The following ILK variants were observed in gnomAD, a reference collection of about 807,000 sequenced individuals.
ILK encodes scaffold protein ILK.
In ILK, 37 loss-of-function variants were observed where a neutral mutation model predicts 57.8. The ratio of observed to expected loss-of-function variants is 0.64; its 90% confidence interval spans 0.49 to 0.84. ILK has a LOEUF of 0.84. Ranked by LOEUF, ILK falls within the 40% of genes least tolerant of loss-of-function variation. ILK has a pLI of 0.00. For missense variants in ILK, 528 were observed against 595.7 expected, an observed-to-expected ratio of 0.89 and a Z score of 1.18; for synonymous variants, 231 against 202.2, an observed-to-expected ratio of 1.14 and a Z score of -1.21.
At position 6,608,830 on chromosome 11, in the gene ILK, T is replaced by C; in HGVS notation, c.448+40T>C. The C allele has an allele frequency of 6.2e-7, 1 of 1,612,834 alleles. No individual in the cohort carries two copies. The highest frequency in any genetic ancestry group is 1.1e-5 in the South Asian group (1 of 91,062). On this transcript the variant is annotated intron_variant, in intron 5 of 12. Transcript: ENST00000299421. The surrounding 1 kb of genome is among the most constrained non-coding windows in gnomAD (Gnocchi z 4.9). ...CCCCTAGCTTGTGTCCTCTCGTCCC[T>C]TCCCACCTGTCTTCTCCCTCTGTAC...
chr11:6,608,710 G>A lies in ILK; in HGVS notation c.368G>A (p.Gly123Glu). 3 of 1,613,968 alleles carry A rather than the reference G, an allele frequency of 1.9e-6. No homozygotes were observed. Among genetic ancestry groups the A allele is most frequent in the Non-Finnish European group, 2.5e-6 (3 of 1,179,864 alleles). ...DQVAEDLVAN[G>E]ALVSICNKYG... is the part of the protein sequence containing the mutation. ...TCATTCCAGGACCTGGTGGCAAATG[G>A]GGCCCTTGTCAGCATCTGTAACAAG... The change falls in exon 5 of 13, where the codon GGG becomes GAG. Residue 123 changes from glycine (G) to glutamate (E), a missense_variant. Gly to Glu is a moderately conservative substitution (Grantham distance 98, BLOSUM62 -2). Transcript: ENST00000299421. The surrounding 1 kb of genome is among the most constrained non-coding windows in gnomAD (Gnocchi z 4.9).
rs186878335 is a variant in ILK, at chr11:6,610,324, A to G, written c.1209+46A>G. 247 of 1,613,916 alleles carry G rather than the reference A, an allele frequency of 1.5e-4. No individual in the cohort carries two copies. The African/African-American group carries it at 3.1e-3, about 20-fold the overall frequency. On this transcript the variant is annotated intron_variant, in intron 12 of 12. Transcript: ENST00000299421. ...ATTTGTGTTGCGGGAGTGGTTGGTG[A>G]TGGTGAAAATAACTGTAGTGGGCCT...
intron 2 of ILK, chr11:6,607,830 T>C (rs1855082665): frequency 3.4e-6 from 2 of 581,220 alleles, no homozygotes; most frequent in Admixed American, 6.0e-5. Context: ...AACACATTTT[T>C]TTATAGAGGT....
chr11:6,609,162 C>T lies in ILK; in HGVS notation c.618+6C>T. 1 of 1,612,726 alleles carries T rather than the reference C, an allele frequency of 6.2e-7. No homozygotes were observed. The highest frequency in any genetic ancestry group is 8.5e-7 in the Non-Finnish European group (1 of 1,178,746). On this transcript the variant is annotated splice_donor_region_variant and intron_variant, in intron 7 of 12. Transcript: ENST00000299421. ...ACGAGAATCACTCTGGAGAGGTGAC[C>T]CCTGCCCTTCTTGCCCTTCCCTCAC... is the stretch of plus-strand genomic sequence containing the variant.
rs1323106962 is a variant in ILK at position 6,610,599 on chromosome 11, G to A, written c.1347G>A (p.Met449Ile). ...FDMIVPILEK[M>I]QDK ...TGATTGTGCCTATCCTTGAGAAGAT[G>A]CAGGACAAGTAGGACTGGAAGGTCC... The change falls in exon 13 of 13, where the codon ATG (methionine) becomes ATA (isoleucine). Residue 449 changes from methionine (M) to isoleucine (I), a missense_variant. By Grantham distance (10) the Met-to-Ile change is conservative. Transcript: ENST00000299421. The A allele has an allele frequency of 4.2e-5, 68 of 1,614,110 alleles. No homozygotes were observed. Among genetic ancestry groups the A allele is most frequent in the Non-Finnish European group, 5.6e-5 (66 of 1,180,034 alleles).
rs1243705654 is a variant in ILK at position 6,610,032 on chromosome 11, G to A, written c.1075G>A (p.Glu359Lys). The A allele has an allele frequency of 6.2e-7, 1 of 1,614,030 alleles. No individual in the cohort carries two copies. The highest frequency in any genetic ancestry group is 1.3e-5 in the African/African-American group (1 of 74,918). ...GTATGCACCTGCCTGGGTAGCCCCC[G>A]AAGGTGAGTGAAGTCATCATGTCGG... Reference protein sequence around the residue: ...RMYAPAWVAPEALQKKPEDTN... With the variant: ...RMYAPAWVAPKALQKKPEDTN... The change falls in exon 11 of 13, where the codon GAA (glutamate) becomes AAA (lysine). Residue 359 changes from glutamate to lysine, a missense_variant. Glu to Lys is a moderately conservative substitution (Grantham distance 56). Coordinates refer to ENST00000299421, the MANE Select transcript of ILK (RefSeq NM_004517.4).
chr11:6,607,925 G>C, intron 2 of ILK, 121 bp from the exon 3 acceptor site: 1 of 1,033,102 alleles, frequency 9.7e-7, no homozygotes, highest in Non-Finnish European at 1.5e-6. Context: ...TGGCATGAAT[G>C]AGAATCAAAG....
rs145787931 is a variant in ILK, at chr11:6,610,330, A to C, written c.1209+52A>C. 2.2e-3 allele frequency: 3,525 copies of C among 1,613,910 alleles called. 13 individuals carry two copies. Among genetic ancestry groups the C allele is most frequent in the Admixed American group, 7.3e-3 (438 of 60,034 alleles). On this transcript the variant is annotated intron_variant, in intron 12 of 12. Coordinates refer to ENST00000299421, the MANE Select transcript of ILK (RefSeq NM_004517.4). ...GTTGCGGGAGTGGTTGGTGATGGTGAAAATAACTGTAGTGGGCCTTGGCTC... is the reference window on the plus strand; with the variant it reads ...GTTGCGGGAGTGGTTGGTGATGGTGCAAATAACTGTAGTGGGCCTTGGCTC...
rs1304043724 is a variant in ILK at position 6,610,662 on chromosome 11, G to GA, written c.*53dup. ...CAGAGGTGTCGGGACATGGTTGGGGGAATGCACCTCCCCAAAGCAGCAGGC... is the reference window on the plus strand; with the variant it reads ...CAGAGGTGTCGGGACATGGTTGGGGGAAATGCACCTCCCCAAAGCAGCAGGC... On this transcript the variant is annotated 3_prime_UTR_variant, in exon 13 of 13. Transcript: ENST00000299421. The GA allele has an allele frequency of 1.2e-6, 2 of 1,607,826 alleles. No homozygotes were observed. Among genetic ancestry groups the GA allele is most frequent in the Non-Finnish European group, 1.7e-6 (2 of 1,175,010 alleles).
At chr11:6,610,312 G>A (rs750647997) in intron 12 of ILK, 34 bp downstream of exon 12, 50 of 1,613,874 alleles carry the variant, frequency 3.1e-5, no homozygotes, top group Non-Finnish European at 4.2e-5. Context: ...TGTGTTGCGG[G>A]AGTGGTTGGT....
At chr11:6,609,688 G>A (rs752437823) in intron 9 of ILK, 36 bp from the exon 10 acceptor site, 1 of 1,614,182 alleles carries the variant, frequency 6.2e-7, no homozygotes, top group Admixed American at 1.7e-5. Context: ...CAGAGAGGGA[G>A]CCTCTCTGAA....
chr11:6,608,259 G>A lies in ILK; in HGVS notation c.255+48G>A. On this transcript the variant is annotated intron_variant, in intron 3 of 12. Coordinates refer to ENST00000299421, the MANE Select transcript of ILK (RefSeq NM_004517.4). This position sits in a 1 kb window ranked among gnomAD's most constrained non-coding sequence, Gnocchi z 4.9. Reference sequence around the variant, plus strand: ...TCCACATCACATACATGCCATGAGGGTCAGTCACAGGCACTGTAACATACA... The same window carrying A: ...TCCACATCACATACATGCCATGAGGATCAGTCACAGGCACTGTAACATACA... The A allele has an allele frequency of 6.2e-7, 1 of 1,603,334 alleles. No individual in the cohort carries two copies. Among genetic ancestry groups the A allele is most frequent in the South Asian group, 1.1e-5 (1 of 90,832 alleles).
chr11:6,604,183 A>T lies in ILK; in HGVS notation c.-89A>T. 1.7e-6 allele frequency: 2 copies of T among 1,176,096 alleles called. No individual in the cohort carries two copies. The highest frequency in any genetic ancestry group is 5.0e-5 in the East Asian group (2 of 39,606). The allele number at this position is 1,176,096 out of a possible 1,614,324, so 72.9% of individuals were successfully genotyped here. A position where few individuals can be genotyped will look rare whatever the true frequency, so the allele number is the denominator to read the frequency against. On this transcript the variant is annotated 5_prime_UTR_variant, in exon 2 of 13. Coordinates refer to ENST00000299421, the MANE Select transcript of ILK (RefSeq NM_004517.4). ...CACAAACACTTCTCTCCTGTAGAGG[A>T]TAAAGCTTGGGGTTCATCCTCCTTC...
chr11:6,604,247 G>A lies in ILK; in HGVS notation c.-25G>A, dbSNP rs779132903. The A allele has an allele frequency of 4.4e-6, 7 of 1,602,782 alleles. No homozygotes were observed. Among genetic ancestry groups the A allele is most frequent in the Non-Finnish European group, 6.0e-6 (7 of 1,175,040 alleles). On this transcript the variant is annotated 5_prime_UTR_variant, in exon 2 of 13. Coordinates refer to ENST00000299421, the MANE Select transcript of ILK (RefSeq NM_004517.4). ...ACAGTCCTCAGGCTTCCCCAATCCA[G>A]GGGACTCGGCGCCGGGACGCTGCTA...
At chr11:6,609,875 GC>G in intron 10 of ILK, 30 bp downstream of exon 10, 1 of 1,614,174 alleles carries the variant, frequency 6.2e-7, no homozygotes, top group Non-Finnish European at 8.5e-7. Flanking sequence ...CCTGGCCCAG[GC>G]CCCAAAAGCC....
chr11:6,604,143 G>GC, intron 1 of ILK, 37 bp from the exon 2 acceptor site: 1 of 850,726 alleles, frequency 1.2e-6, no homozygotes. Flanking sequence ...CGCAGCTCAG[G>GC]CCCCCTACCC....
Position 6,603,796 on chromosome 11 carries a change from G to C in ILK, c.-119G>C, listed in dbSNP as rs374681833. ...GGCGCGGCCGGACGGGAGTTCCCCG[G>C]AGAAGGATCCTGCAGCCCGAGTCCC... On this transcript the variant is annotated 5_prime_UTR_variant, in exon 1 of 13. Transcript: ENST00000299421. The C allele has an allele frequency of 1.6e-5, 6 of 364,360 alleles. No homozygotes were observed. The East Asian group carries it at 3.2e-4, about 19-fold the overall frequency. 22.6% of individuals were successfully genotyped at this position (364,360 alleles called of 1,614,324 possible).
At position 6,604,014 on chromosome 11, in the gene ILK, A is replaced by T. The variant is rs191979756; in HGVS notation, c.-92-166A>T. 1.3e-4 allele frequency: 77 copies of T among 587,198 alleles called. No individual in the cohort carries two copies. In the African/African-American group the frequency reaches 1.4e-3, roughly 10 times the overall value. 36.4% of individuals were successfully genotyped at this position (587,198 alleles called of 1,614,324 possible). ...CTGCTCTCGGACATCCGTTCAGCAGACACTACCTCTTCGTCACCCCCTGCC... is the reference window on the plus strand; with the variant it reads ...CTGCTCTCGGACATCCGTTCAGCAGTCACTACCTCTTCGTCACCCCCTGCC... On this transcript the variant is annotated intron_variant, in intron 1 of 12. Transcript: ENST00000299421.
At chr11:6,609,465 A>G in intron 8 of ILK, 47 bp from the exon 9 acceptor site, 1 of 1,614,134 alleles carries the variant, frequency 6.2e-7, no homozygotes, top group Non-Finnish European at 8.5e-7. Flanking sequence ...AATAGCACTG[A>G]AAGAGATCTT....
Sources: allele counts gnomAD v4.1 joint callset, GRCh38; gene constraint gnomAD v4.1.1; non-coding constraint Gnocchi (gnomAD v3.1); transcripts MANE v1.5; gene names NCBI Gene and HGNC (gene_info 2026-07-23, HGNC 2026-07-21).